Variants in CD163L1 observed in about 807,000 individuals in gnomAD.
CD163L1 encodes the protein scavenger receptor cysteine-rich type 1 protein M160.
In CD163L1, 124 loss-of-function variants were observed where a neutral mutation model predicts 165.4. The ratio of observed to expected loss-of-function variants is 0.75; its 90% CI spans 0.65 to 0.87. CD163L1 has a LOEUF of 0.87. Ranked by LOEUF, CD163L1 falls within the 40% of genes least tolerant of loss-of-function variation. CD163L1 has a pLI of 0.00. For synonymous variants in CD163L1, 585 were observed against 662.2 expected (o/e 0.88, Z 1.79); for missense variants, 1,525 against 1,799.9 (o/e 0.85, Z 2.76).
downstream of CD163L1, among the ~76,000 whole-genome samples, chr12:7,344,340 G>A (rs907951893): frequency 2.0e-5 from 3 of 151,820 alleles, no homozygotes; most frequent in Non-Finnish European, 2.9e-5. Context: ...TGCCTGCTTC[G>A]GCCTCCCAAA....
chr12:7,353,447 C>T (rs1946722588), downstream of CD163L1, among the ~76,000 whole-genome samples: 1 of 151,868 alleles, frequency 6.6e-6, no homozygotes, highest in African/African-American at 2.4e-5. Context: ...GGAAGACAAA[C>T]ACAAAGAAAT....
At chr12:7,420,984 G>GGTATATATATACATATATATATATATGT (rs1565808422) in intron 4 of CD163L1, among the ~76,000 whole-genome samples, 1 of 101,548 alleles carries the variant, frequency 9.8e-6, no homozygotes. Context: ...AAGAAATTGT[G>GGTATATATATACATATATATATATATGT]GTATATATAT....
the CD163L1 span, among the ~76,000 whole-genome samples, chr12:7,321,129 G>C: frequency 6.6e-6 from 1 of 151,970 alleles, no homozygotes; most frequent in East Asian, 1.9e-4. Context: ...AGGACAACTG[G>C]ACATTTTTCC....
At position 7,406,662 on chromosome 12, in the gene CD163L1, T is replaced by C. The variant is rs1591935045; in HGVS notation, c.957A>G (p.Ser319=). Residue 319 remains serine (S), a synonymous_variant, in exon 5 of 20, where the codon TCA becomes TCG. Transcript: ENST00000313599. ...LHFAGLPHLQ[S]GSDVVWLDGV... is the part of the protein sequence containing the mutation. The stretch of plus-strand genomic sequence containing the variant: ...CATCAAGCCATACAACATCAGACCC[T>C]GACTGCAAATGAGGCAAGCCAGCGA... The C allele has an allele frequency of 3.1e-6, 5 of 1,614,104 alleles. No individual in the cohort carries two copies. In the East Asian group the frequency reaches 1.1e-4, roughly 36 times the overall value.
chr12:7,429,158 AT>A (rs1948591127), intron 4 of CD163L1, among the ~76,000 whole-genome samples: 1 of 152,066 alleles, frequency 6.6e-6, no homozygotes, highest in African/African-American at 2.4e-5. Flanking sequence ...TCATTTCGTC[AT>A]AAAGTTTTTC....
intron 5 of CD163L1, among the ~76,000 whole-genome samples, chr12:7,405,282 T>G (rs532486675): frequency 1.3e-5 from 2 of 152,238 alleles, no homozygotes; most frequent in African/African-American, 4.8e-5. Context: ...CTCTGTTTCC[T>G]TCCCCCTTCT....
At chr12:7,343,520 T>C (rs1946650334), downstream of CD163L1, among the ~76,000 whole-genome samples, 4 of 152,104 alleles carry the variant, frequency 2.6e-5, no homozygotes, top group Admixed American at 1.3e-4. Flanking sequence ...ATAATCATGG[T>C]GGAAGGCAAA....
At position 7,368,568 on chromosome 12, in the gene CD163L1, C is replaced by T. The variant is rs1310706470; in HGVS notation, c.4072+365G>A. On this transcript the variant is annotated intron_variant, in intron 16 of 19. Coordinates refer to ENST00000313599, the MANE Select transcript of CD163L1 (RefSeq NM_174941.6). This position sits in a 1 kb window ranked among gnomAD's most constrained non-coding sequence, Gnocchi z 4.3. ...TTTGAGATGGAGTCTCATTCTGTCACCCAGGCTGAGTGTACTGGCACGATC... is the reference window on the plus strand; with the variant it reads ...TTTGAGATGGAGTCTCATTCTGTCATCCAGGCTGAGTGTACTGGCACGATC... Among the ~76,000 whole-genome samples, 1 of 149,388 alleles carries T rather than the reference C, an allele frequency of 6.7e-6. No homozygotes were observed. Among genetic ancestry groups the T allele is most frequent in the Non-Finnish European group, 1.5e-5 (1 of 67,600 alleles).
intron 6 of CD163L1, among the ~76,000 whole-genome samples, chr12:7,401,093 T>C (rs1182683229): frequency 4.6e-5 from 7 of 152,204 alleles, no homozygotes; most frequent in Admixed American, 4.6e-4. Context: ...AGTTCATATC[T>C]GAACTCCAGC....
intron 8 of CD163L1, among the ~76,000 whole-genome samples, chr12:7,389,183 T>A (rs1947589103): frequency 6.6e-6 from 1 of 152,214 alleles, no homozygotes; most frequent in Non-Finnish European, 1.5e-5. Context: ...ACCTCCAAAC[T>A]GTTCCCCACA....
chr12:7,343,040 G>A (rs1176610031), downstream of CD163L1, among the ~76,000 whole-genome samples: 1 of 152,018 alleles, frequency 6.6e-6, no homozygotes, highest in African/African-American at 2.4e-5. Context: ...GGGTCAATAA[G>A]ACAGCCAAGT....
downstream of CD163L1, among the ~76,000 whole-genome samples, chr12:7,342,572 A>G (rs908289942): frequency 8.5e-5 from 13 of 152,110 alleles, no homozygotes; most frequent in Admixed American, 2.0e-4. Flanking sequence ...TTCCTCTAGC[A>G]CCACTGGGTT....
chr12:7,319,153 G>A, the CD163L1 span, among the ~76,000 whole-genome samples: 7 of 152,284 alleles, frequency 4.6e-5, no homozygotes, highest in Admixed American at 1.3e-4. Context: ...GGGAGATAGT[G>A]ACAGATCATC....
Position 7,379,042 on chromosome 12 carries a change from A to G in CD163L1, c.2307T>C (p.Cys769=). The change falls in exon 9 of 20, where the codon TGT becomes TGC. Residue 769 remains cysteine, a synonymous_variant. Transcript: ENST00000313599. The stretch of plus-strand genomic sequence containing the variant: ...CAGTCTGTTTCCACTCCCATCGTAT[A>G]CAATCCCAGAGAGAGGCTTCCCCTC... ...CTGGEASLWD[C]IRWEWKQTAC... 4 of 1,614,170 alleles carry G rather than the reference A, an allele frequency of 2.5e-6. No homozygotes were observed. The highest frequency in any genetic ancestry group is 3.4e-6 in the Non-Finnish European group (4 of 1,180,002).
At chr12:7,375,038 T>A in intron 11 of CD163L1, 115 bp from the exon 12 acceptor site, 1 of 1,015,206 alleles carries the variant, frequency 9.9e-7, no homozygotes, top group Non-Finnish European at 1.5e-6. Context: ...TCAAACCCTG[T>A]CGTCTATTGA....
intron 4 of CD163L1, among the ~76,000 whole-genome samples, chr12:7,428,797 A>C (rs1948585052): frequency 6.6e-6 from 1 of 152,090 alleles, no homozygotes; most frequent in Non-Finnish European, 1.5e-5. Flanking sequence ...AACATAGTGA[A>C]AATATAAAAC....
At position 7,406,660 on chromosome 12, in the gene CD163L1, C is replaced by T; in HGVS notation, c.959G>A (p.Gly320Glu). 1 of 1,614,038 alleles carries T rather than the reference C, an allele frequency of 6.2e-7. No individual in the cohort carries two copies. The highest frequency in any genetic ancestry group is 8.5e-7 in the Non-Finnish European group (1 of 1,179,994). ...ACCATCAAGCCATACAACATCAGACCCTGACTGCAAATGAGGCAAGCCAGC... is the reference window on the plus strand; with the variant it reads ...ACCATCAAGCCATACAACATCAGACTCTGACTGCAAATGAGGCAAGCCAGC... ...HFAGLPHLQS[G>E]SDVVWLDGVS... Residue 320 changes from glycine to glutamate, a missense_variant, in exon 5 of 20, where the codon GGG becomes GAG. By Grantham distance (98) the Gly-to-Glu change is moderately conservative. Transcript: ENST00000313599.
intron 2 of CD163L1, chr12:7,438,806 CCT>C: frequency 6.6e-7 from 1 of 1,522,826 alleles, no homozygotes; most frequent in South Asian, 1.2e-5. Context: ...GGACCAGAGG[CCT>C]CTCTCTTCCC....
At chr12:7,428,299 A>G (rs1279309053) in intron 4 of CD163L1, among the ~76,000 whole-genome samples, 2 of 152,088 alleles carry the variant, frequency 1.3e-5, no homozygotes, top group African/African-American at 4.8e-5. Flanking sequence ...TTTTAAGTCA[A>G]TGGAATCTAT....
Sources: allele counts gnomAD v4.1 joint callset (sites outside exome capture counted in the v4.1 genomes callset), GRCh38; gene constraint gnomAD v4.1.1; non-coding constraint Gnocchi (gnomAD v3.1); transcripts MANE v1.5; gene names NCBI Gene and HGNC (gene_info 2026-07-23, HGNC 2026-07-21).